SPAG16: variants seen among roughly 807,000 people sequenced by gnomAD.
SPAG16 encodes the protein sperm associated antigen 16, also known as sperm-associated antigen 16 protein.
A neutral mutation model predicts 80.4 loss-of-function variants in SPAG16; 86 were observed. The ratio of observed to expected loss-of-function variants is 1.07; its 90% CI spans 0.90 to 1.28. The LOEUF (loss-of-function observed/expected upper bound fraction) is 1.28, where lower values mean the gene tolerates loss of function less well. SPAG16 is among the 50% of genes most tolerant of loss of function. The pLI is 0.00. For missense variants in SPAG16, 870 were observed against 765.3 expected (o/e 1.14, Z -1.61); for synonymous variants, 294 against 265.9 (o/e 1.11, Z -1.03).
At chr2:213,416,530 C>A (rs955788087) in intron 9 of SPAG16, among the ~76,000 whole-genome samples, 2 of 150,786 alleles carry the variant, frequency 1.3e-5, no homozygotes, top group Non-Finnish European at 3.0e-5. Context: ...ATGTTTTAGG[C>A]AGCATTACTT....
chr2:214,260,379 G>A lies in SPAG16; in HGVS notation c.1720+111113G>A, dbSNP rs58314068. On this transcript the variant is annotated intron_variant, in intron 15 of 15. Transcript: ENST00000331683. ...CTAATTTTTTTTTTTTCTTTTCATT[G>A]TAAGCCTCTACCACCTGGTAGGAGA... Among the ~76,000 whole-genome samples the A allele has an allele frequency of 1.2e-3, 184 of 148,918 alleles. 1 individual carries two copies. The highest frequency in any genetic ancestry group is 4.3e-3 in the African/African-American group (174 of 40,502).
intron 3 of SPAG16, among the ~76,000 whole-genome samples, chr2:213,298,017 T>C: frequency 6.6e-6 from 1 of 152,188 alleles, no homozygotes; most frequent in African/African-American, 2.4e-5. Flanking sequence ...GTGAAACTCC[T>C]TTTTGGTTGC....
At chr2:213,629,114 A>T (rs2062056005) in intron 10 of SPAG16, among the ~76,000 whole-genome samples, 2 of 152,218 alleles carry the variant, frequency 1.3e-5, no homozygotes, top group South Asian at 4.1e-4. Context: ...GTAGAAAGGA[A>T]TTATTAAAAC....
intron 9 of SPAG16, among the ~76,000 whole-genome samples, chr2:213,438,752 C>T (rs1575590951): frequency 6.6e-6 from 1 of 152,252 alleles, no homozygotes; most frequent in South Asian, 2.1e-4. Flanking sequence ...GTAATTAGTA[C>T]CCCCAATCAA....
chr2:213,334,461 A>G (rs901249871), intron 5 of SPAG16, among the ~76,000 whole-genome samples: 5 of 152,184 alleles, frequency 3.3e-5, no homozygotes, highest in Non-Finnish European at 7.4e-5. Context: ...GGGTGTATAT[A>G]CCCAAAAGAA....
At chr2:214,132,636 T>C (rs1576307779) in intron 14 of SPAG16, among the ~76,000 whole-genome samples, 1 of 152,002 alleles carries the variant, frequency 6.6e-6, no homozygotes, top group Middle Eastern at 3.4e-3. Flanking sequence ...ACCAGAAAAA[T>C]AAATAAGGAA....
chr2:214,148,728 T>C (rs2055793424), intron 14 of SPAG16, among the ~76,000 whole-genome samples: 1 of 152,102 alleles, frequency 6.6e-6, no homozygotes, highest in African/African-American at 2.4e-5. Context: ...TTTCCCACAT[T>C]CACAGTTTTT....
At chr2:213,494,712 C>T (rs149578962) in intron 10 of SPAG16, among the ~76,000 whole-genome samples, 4 of 152,158 alleles carry the variant, frequency 2.6e-5, no homozygotes, top group Non-Finnish European at 5.9e-5. Context: ...ATGATGTCTT[C>T]CCCTTGTTGA....
intron 15 of SPAG16, among the ~76,000 whole-genome samples, chr2:214,192,059 A>G (rs2057684132): frequency 6.6e-6 from 1 of 152,132 alleles, no homozygotes; most frequent in South Asian, 2.1e-4. Context: ...AAGAGAAGCT[A>G]AAGAGTTTAC....
chr2:213,339,034 AAAAAG>A (rs1033574430), intron 5 of SPAG16, among the ~76,000 whole-genome samples: 1 of 152,108 alleles, frequency 6.6e-6, no homozygotes, highest in African/African-American at 2.4e-5. Context: ...TAAAAAAAAA[AAAAAG>A]AAAAGAAGAA....
chr2:213,759,961 G>A (rs151111491), intron 10 of SPAG16, among the ~76,000 whole-genome samples: 98 of 152,236 alleles, frequency 6.4e-4, no homozygotes, highest in African/African-American at 2.2e-3. Context: ...CTTGAACCCA[G>A]GAGGCGGAGG....
intron 9 of SPAG16, among the ~76,000 whole-genome samples, chr2:213,412,557 T>A (rs1039276127): frequency 6.6e-6 from 1 of 152,232 alleles, no homozygotes. Context: ...CTATCATACT[T>A]CCCATATTAA....
chr2:214,112,798 A>G (rs773018054), intron 14 of SPAG16, among the ~76,000 whole-genome samples: 2 of 152,026 alleles, frequency 1.3e-5, no homozygotes, highest in Admixed American at 6.5e-5. Flanking sequence ...GTCTCTTTTA[A>G]TTGGGGCATA....
In SPAG16 at chr2:213,817,411, G is replaced by A. The variant is rs148255477; in HGVS notation, c.1071-45074G>A. 4.9e-3 allele frequency among the ~76,000 whole-genome samples: 750 copies of A among 151,804 alleles called. 8 individuals are homozygous for A. The highest frequency in any genetic ancestry group is 0.014 in the African/African-American group (566 of 41,440). On this transcript the variant is annotated intron_variant, in intron 10 of 15. Transcript: ENST00000331683. ...GGGAAAGTAAATTAGTTTAGCCACC[G>A]TGGACAGAAGTTTGGAGATTTCTCA...
chr2:214,356,244 T>C (rs1326749667), intron 15 of SPAG16, among the ~76,000 whole-genome samples: 2 of 151,950 alleles, frequency 1.3e-5, no homozygotes, highest in Non-Finnish European at 2.9e-5. Flanking sequence ...GAAAATGATA[T>C]ACATTTTACT....
chr2:213,896,579 T>TAC (rs1202863779), intron 11 of SPAG16, among the ~76,000 whole-genome samples: 12 of 82,830 alleles, frequency 1.4e-4, no homozygotes, highest in African/African-American at 3.8e-4. Context: ...ATGTGATATA[T>TAC]ACACACACAC....
intron 10 of SPAG16, among the ~76,000 whole-genome samples, chr2:213,625,419 C>T (rs1004276430): frequency 2.0e-5 from 3 of 151,750 alleles, no homozygotes; most frequent in Admixed American, 6.6e-5. Flanking sequence ...GTGTACCCCC[C>T]GTAAATATAT....
At chr2:214,269,749 T>C (rs1379136345) in intron 15 of SPAG16, among the ~76,000 whole-genome samples, 1 of 152,082 alleles carries the variant, frequency 6.6e-6, no homozygotes, top group African/African-American at 2.4e-5. Flanking sequence ...AAGAAGATTT[T>C]AATTCAGGAG....
At chr2:213,776,994 A>G (rs1223005745) in intron 10 of SPAG16, among the ~76,000 whole-genome samples, 4 of 152,068 alleles carry the variant, frequency 2.6e-5, no homozygotes, top group Non-Finnish European at 5.9e-5. Context: ...AAAAAAAGAA[A>G]CAAAAGTAAC....
Sources: gnomAD v4.1 joint callset for allele counts (sites outside exome capture counted in the v4.1 genomes callset) on GRCh38, gnomAD v4.1.1 for gene constraint, MANE v1.5 for transcripts, NCBI Gene and HGNC (gene_info 2026-07-23, HGNC 2026-07-21) for gene names.